NALCN: variants seen among roughly 807,000 people sequenced by gnomAD.
NALCN encodes the protein sodium leak channel, non-selective, also known as sodium leak channel NALCN.
In NALCN, 111 loss-of-function variants were observed where a neutral mutation model predicts 225.3. The ratio of observed to expected loss-of-function variants is 0.49; its 90% CI spans 0.42 to 0.58. The LOEUF (loss-of-function observed/expected upper bound fraction) is 0.58. Among genes scored for constraint, NALCN ranks in the 20% least tolerant of loss-of-function variants. The pLI is 0.00. For synonymous variants in NALCN, 764 were observed against 769.0 expected (o/e 0.99, Z 0.11); for missense variants, 1,378 against 2,202.4 (o/e 0.63, Z 7.49).
At chr13:101,130,723 A>T (rs959118540) in intron 17 of NALCN, among the ~76,000 whole-genome samples, 1 of 152,176 alleles carries the variant, frequency 6.6e-6, no homozygotes, top group Non-Finnish European at 1.5e-5. Context: ...TGATAATCTA[A>T]CGTTCTTTCC....
chr13:101,295,946 TG>T (rs2043736808), intron 7 of NALCN, among the ~76,000 whole-genome samples: 1 of 152,226 alleles, frequency 6.6e-6, no homozygotes, highest in South Asian at 2.1e-4. Context: ...TCATTTTCTT[TG>T]GGAAGTGGAG....
chr13:101,065,387 GA>G lies in NALCN; in HGVS notation c.4604+16del. On this transcript the variant is annotated intron_variant, in intron 40 of 43. Transcript: ENST00000251127. ...GTTTCTGGCCCCCATTCAGCCCTGC[GA>G]AAGCCTGCCTTGTACCTCAGGACAT... is the stretch of plus-strand genomic sequence containing the variant. 1 of 1,613,724 alleles carries G rather than the reference GA, an allele frequency of 6.2e-7. No homozygotes were observed. Among genetic ancestry groups the G allele is most frequent in the Non-Finnish European group, 8.5e-7 (1 of 1,179,776 alleles).
intron 10 of NALCN, among the ~76,000 whole-genome samples, chr13:101,269,967 C>T (rs1370354372): frequency 1.3e-5 from 2 of 152,164 alleles, no homozygotes; most frequent in Non-Finnish European, 1.5e-5. Flanking sequence ...AGTCCTTCCA[C>T]AATAATTTTC....
At chr13:101,093,282 C>T (rs975121962) in intron 28 of NALCN, among the ~76,000 whole-genome samples, 4 of 152,108 alleles carry the variant, frequency 2.6e-5, no homozygotes, top group Admixed American at 6.6e-5. Flanking sequence ...TATTTATGTC[C>T]TAATTATAAT....
intron 13 of NALCN, among the ~76,000 whole-genome samples, chr13:101,202,546 T>C (rs1015964770): frequency 1.3e-5 from 2 of 152,160 alleles, no homozygotes; most frequent in Non-Finnish European, 2.9e-5. Context: ...TCAAATTCCA[T>C]CTCTCTGTCT....
At chr13:101,234,835 A>ACTATCTATCTATCTATCATCTAC (rs542359386) in intron 12 of NALCN, among the ~76,000 whole-genome samples, 2 of 144,834 alleles carry the variant, frequency 1.4e-5, no homozygotes, top group Non-Finnish European at 3.0e-5. Flanking sequence ...CTATCTATCT[A>ACTATCTATCTATCTATCATCTAC]CTATCTATCT....
chr13:101,381,701 G>A (rs557347342), intron 3 of NALCN, among the ~76,000 whole-genome samples: 14 of 151,936 alleles, frequency 9.2e-5, no homozygotes, highest in South Asian at 6.2e-4. Context: ...CAAAACAAAC[G>A]CTTCTGTCTT....
chr13:101,129,623 C>CCATA (rs2139723042), intron 17 of NALCN, among the ~76,000 whole-genome samples: 1 of 152,094 alleles, frequency 6.6e-6, no homozygotes, highest in East Asian at 1.9e-4. Flanking sequence ...TATCTAGAGC[C>CCATA]CATAGATGCT....
At chr13:101,162,206 A>C (rs1260164135) in intron 15 of NALCN, among the ~76,000 whole-genome samples, 1 of 152,156 alleles carries the variant, frequency 6.6e-6, no homozygotes, top group Non-Finnish European at 1.5e-5. Context: ...AGCTCATCTC[A>C]ATCTTTACAC....
At chr13:101,239,952 A>C (rs1390962978) in intron 11 of NALCN, among the ~76,000 whole-genome samples, 1 of 152,062 alleles carries the variant, frequency 6.6e-6, no homozygotes, top group East Asian at 1.9e-4. Context: ...TAATCACTTT[A>C]ATTTCTTTTT....
At chr13:101,229,369 T>G in intron 13 of NALCN, 24 bp downstream of exon 13, 1 of 1,501,918 alleles carries the variant, frequency 6.7e-7, no homozygotes, top group South Asian at 1.4e-5. Flanking sequence ...TGAATTTAAC[T>G]TACTGCATTT....
Position 101,292,296 on chromosome 13 carries a change from A to G in NALCN, c.870T>C (p.Ile290=). The change falls in exon 8 of 44, where the codon ATT becomes ATC. Residue 290 remains isoleucine, a synonymous_variant. Transcript: ENST00000251127. The surrounding 1 kb of genome is among the most constrained non-coding windows in gnomAD (Gnocchi z 4.3). ...AGGAACGCCAACGGGGAAAGCTGTC[A>G]ATTGCTCTGTACATGAGGAACACCC... ...EGWVFLMYRA[I]DSFPRWRSYF... 1 of 1,614,144 alleles carries G rather than the reference A, an allele frequency of 6.2e-7. No homozygotes were observed. The highest frequency in any genetic ancestry group is 1.1e-5 in the South Asian group (1 of 91,076).
At position 101,103,250 on chromosome 13, in the gene NALCN, A is replaced by T; in HGVS notation, c.2979T>A (p.Pro993=). 6.2e-7 allele frequency: 1 copy of T among 1,614,048 alleles called. No individual in the cohort carries two copies. Among genetic ancestry groups the T allele is most frequent in the Non-Finnish European group, 8.5e-7 (1 of 1,179,936 alleles). The change falls in exon 26 of 44, where the codon CCT becomes CCA. Residue 993 remains proline, a synonymous_variant. Coordinates refer to ENST00000251127, the MANE Select transcript of NALCN (RefSeq NM_052867.4). ...GGGGCACCAGTTTGAATATGCGCAG[A>T]GGTCTCAGGCACCGAAGGACCATTA... ...QLLMVLRCLR[P]LRIFKLVPQM...
intron 6 of NALCN, among the ~76,000 whole-genome samples, chr13:101,350,115 C>A (rs1450371743): frequency 1.3e-5 from 2 of 152,178 alleles, no homozygotes; most frequent in African/African-American, 4.8e-5. Flanking sequence ...CTGCCTCCCA[C>A]TCTTAGCCTT....
At chr13:101,097,551 C>T (rs556516740) in intron 27 of NALCN, among the ~76,000 whole-genome samples, 37 of 152,154 alleles carry the variant, frequency 2.4e-4, no homozygotes, top group Non-Finnish European at 5.0e-4. Flanking sequence ...ACACTAGTTC[C>T]CTGCTTCTCC....
chr13:101,211,523 A>G (rs1261215482), intron 13 of NALCN, among the ~76,000 whole-genome samples: 1 of 152,050 alleles, frequency 6.6e-6, no homozygotes, highest in Non-Finnish European at 1.5e-5. Context: ...ATTATGCCAC[A>G]GATGAGTCAC....
At chr13:101,366,991 T>C (rs2139384604) in intron 6 of NALCN, among the ~76,000 whole-genome samples, 1 of 152,252 alleles carries the variant, frequency 6.6e-6, no homozygotes, top group East Asian at 1.9e-4. Flanking sequence ...CTTCAATGAA[T>C]TAACTGGTTA....
At chr13:101,366,851 T>C (rs1036472994) in intron 6 of NALCN, among the ~76,000 whole-genome samples, 2 of 152,164 alleles carry the variant, frequency 1.3e-5, no homozygotes, top group Non-Finnish European at 2.9e-5. Flanking sequence ...CACCCTGTTG[T>C]GCATGGATCT....
chr13:101,241,643 A>T (rs2041762476), intron 11 of NALCN, among the ~76,000 whole-genome samples: 1 of 151,996 alleles, frequency 6.6e-6, no homozygotes, highest in Non-Finnish European at 1.5e-5. Context: ...GGGTTTCACC[A>T]TGTTGGCCAG....
Sources: gnomAD v4.1 joint callset for allele counts (sites outside exome capture counted in the v4.1 genomes callset) on GRCh38, gnomAD v4.1.1 for gene constraint, Gnocchi (gnomAD v3.1) non-coding constraint, MANE v1.5 for transcripts, NCBI Gene and HGNC (gene_info 2026-07-23, HGNC 2026-07-21) for gene names.